Variants in ADCY2 observed in about 807,000 individuals in gnomAD.
ADCY2 encodes adenylate cyclase 2.
In ADCY2, 31 loss-of-function variants were observed where a neutral mutation model predicts 125.2. The ratio of observed to expected loss-of-function variants is 0.25; its 90% CI spans 0.19 to 0.33. ADCY2 has a LOEUF of 0.33. ADCY2 is among the 10% of genes least tolerant of loss of function. The pLI is 1.00. For synonymous variants in ADCY2, 512 were observed against 548.4 expected (o/e 0.93, Z 0.93); for missense variants, 904 against 1,418.2 (o/e 0.64, Z 5.82).
intron 18 of ADCY2, among the ~76,000 whole-genome samples, chr5:7,781,514 G>A (rs1034682468): frequency 6.6e-6 from 1 of 152,164 alleles, no homozygotes; most frequent in African/African-American, 2.4e-5. Flanking sequence ...GAGTCATGTG[G>A]TGGCAAGCTA....
At chr5:7,798,851 G>C (rs541206603) in intron 20 of ADCY2, 2 of 152,212 alleles carry the variant, frequency 1.3e-5, no homozygotes, top group South Asian at 4.1e-4. Context: ...ACAGGCGTGA[G>C]CCAACGCGCC....
chr5:7,710,245 T>A (rs150323631), intron 10 of ADCY2, among the ~76,000 whole-genome samples: 57 of 152,306 alleles, frequency 3.7e-4, no homozygotes, highest in Non-Finnish European at 7.3e-4. Flanking sequence ...TTTGGCTTAT[T>A]TATATTTCTT....
rs565852546 is a variant in ADCY2 at position 7,577,498 on chromosome 5, T to C, written c.571-48669T>C. Among the ~76,000 whole-genome samples the C allele has an allele frequency of 6.6e-4, 100 of 152,256 alleles. 1 individual carries two copies. The highest frequency in any genetic ancestry group is 2.3e-3 in the African/African-American group (95 of 41,556). On this transcript the variant is annotated intron_variant, in intron 3 of 24. Transcript: ENST00000338316. ...GGCAATGGTGTGTATGATTTGTACC[T>C]AAGGAATAAAGTAAGTTGATAGTGA...
chr5:7,772,885 C>A, intron 17 of ADCY2, 47 bp from the exon 18 acceptor site: 1 of 1,579,728 alleles, frequency 6.3e-7, no homozygotes, highest in Non-Finnish European at 8.7e-7. Flanking sequence ...TTCAGCATTT[C>A]TCAGAAGAGA....
At position 7,502,454 on chromosome 5, in the gene ADCY2, C is replaced by T. The variant is rs188949551; in HGVS notation, c.409-18284C>T. Among the ~76,000 whole-genome samples, 21 of 152,344 alleles carry T rather than the reference C, an allele frequency of 1.4e-4. No homozygotes were observed. In the East Asian group the frequency reaches 4.0e-3, roughly 29 times the overall value. On this transcript the variant is annotated intron_variant, in intron 2 of 24. Transcript: ENST00000338316. ...ACCTTGAAGCCACCTCTTACTCCCA[C>T]CGTGGACCAGGACAGAGAGGCAGGC... is the stretch of plus-strand genomic sequence containing the variant.
chr5:7,693,806 G>A (rs1422419583), intron 5 of ADCY2, among the ~76,000 whole-genome samples: 1 of 152,184 alleles, frequency 6.6e-6, no homozygotes, highest in Non-Finnish European at 1.5e-5. Flanking sequence ...TCTCAGAGCT[G>A]CTTTGTTCAC....
intron 16 of ADCY2, among the ~76,000 whole-genome samples, chr5:7,759,470 G>T (rs933500165): frequency 6.6e-6 from 1 of 152,212 alleles, no homozygotes; most frequent in Admixed American, 6.5e-5. Flanking sequence ...CCCTTGGCTG[G>T]CAGTCCCCTG....
chr5:7,432,123 G>GC (rs1740627194), intron 2 of ADCY2, among the ~76,000 whole-genome samples: 1 of 152,088 alleles, frequency 6.6e-6, no homozygotes, highest in African/African-American at 2.4e-5. Flanking sequence ...TGACAGTGTA[G>GC]CTTTGGAGAG....
chr5:7,704,676 G>A lies in ADCY2; in HGVS notation c.1110-2068G>A, dbSNP rs554398683. On this transcript the variant is annotated intron_variant, in intron 7 of 24. Transcript: ENST00000338316. ...GGGTGGATCACGAGGTCAGGACATCGAGACCATCCTAGCTGACACGCTGAA... is the reference window on the plus strand; with the variant it reads ...GGGTGGATCACGAGGTCAGGACATCAAGACCATCCTAGCTGACACGCTGAA... Among the ~76,000 whole-genome samples, 14 of 152,120 alleles carry A rather than the reference G, an allele frequency of 9.2e-5. No individual in the cohort carries two copies. In the East Asian group the frequency reaches 1.8e-3, roughly 19 times the overall value.
chr5:7,399,536 G>A (rs1561004129), intron 1 of ADCY2, among the ~76,000 whole-genome samples: 1 of 152,116 alleles, frequency 6.6e-6, no homozygotes, highest in African/African-American at 2.4e-5. Context: ...TGCTGTAAAA[G>A]TAAATTCTGA....
intron 3 of ADCY2, among the ~76,000 whole-genome samples, chr5:7,597,103 G>A (rs996397180): frequency 3.3e-5 from 5 of 152,098 alleles, no homozygotes; most frequent in Admixed American, 6.5e-5. Context: ...TATTTATCTT[G>A]GTCTTTTTTT....
intron 12 of ADCY2, among the ~76,000 whole-genome samples, chr5:7,719,320 A>C (rs1741689648): frequency 6.6e-6 from 1 of 152,214 alleles, no homozygotes; most frequent in Non-Finnish European, 1.5e-5. Flanking sequence ...TCAGAAATTA[A>C]ATAGAGAAAA....
intron 17 of ADCY2, among the ~76,000 whole-genome samples, chr5:7,769,012 C>T (rs970920902): frequency 1.3e-5 from 2 of 152,218 alleles, no homozygotes; most frequent in African/African-American, 4.8e-5. Context: ...TCATTTCTCT[C>T]AAACCCTATG....
At chr5:7,770,140 C>T (rs1214708731) in intron 17 of ADCY2, among the ~76,000 whole-genome samples, 3 of 152,144 alleles carry the variant, frequency 2.0e-5, no homozygotes, top group African/African-American at 7.2e-5. Flanking sequence ...CAGAAATGGA[C>T]TAAAAGTATG....
chr5:7,709,227 C>T lies in ADCY2; in HGVS notation c.1418C>T (p.Pro473Leu). ...CACCCCAAGGGAGAACGACGGAGCC[C>T]CCAGCATCTCTTCAGACCTCGCCAC... ...VINPKGERRS[P>L]QHLFRPRHTL... Residue 473 changes from proline to leucine, a missense_variant, in exon 10 of 25, where the codon CCC becomes CTC. By Grantham distance (98) the Pro-to-Leu change is moderately conservative (BLOSUM62 -3). Around this residue, in one of 7 missense-constraint regions of ADCY2, gnomAD observed 144 missense variants for 227.7 expected, o/e 0.63. Coordinates refer to ENST00000338316, the MANE Select transcript of ADCY2 (RefSeq NM_020546.3). The surrounding 1 kb of genome is among the most constrained non-coding windows in gnomAD (Gnocchi z 4.4). 1 of 1,611,398 alleles carries T rather than the reference C, an allele frequency of 6.2e-7. No individual in the cohort carries two copies. The highest frequency in any genetic ancestry group is 1.1e-5 in the South Asian group (1 of 90,656).
At position 7,789,718 on chromosome 5, in the gene ADCY2, A is replaced by AGAACCT; in HGVS notation, c.2552_2557dup (p.Leu851_Asn852dup). The stretch of plus-strand genomic sequence containing the variant: ...GAGCGGGAGGAGATAGAGACCATGG[A>AGAACCT]GAACCTGAACCGCGTGCTGCTGGAG... On this transcript the variant is annotated inframe_insertion, in exon 20 of 25. Transcript: ENST00000338316. The AGAACCT allele has an allele frequency of 6.2e-7, 1 of 1,613,764 alleles. No homozygotes were observed. Among genetic ancestry groups the AGAACCT allele is most frequent in the Non-Finnish European group, 8.5e-7 (1 of 1,179,932 alleles).
At chr5:7,742,371 T>A (rs1742465597) in intron 14 of ADCY2, among the ~76,000 whole-genome samples, 1 of 152,154 alleles carries the variant, frequency 6.6e-6, no homozygotes. Context: ...AATCTAGGTG[T>A]ACTTGGTATA....
At chr5:7,468,401 G>A (rs985329868) in intron 2 of ADCY2, among the ~76,000 whole-genome samples, 1 of 152,148 alleles carries the variant, frequency 6.6e-6, no homozygotes, top group African/African-American at 2.4e-5. Context: ...CAGTAGGAGA[G>A]AAGAAAAAGC....
At chr5:7,681,981 T>C (rs1411198394) in intron 4 of ADCY2, among the ~76,000 whole-genome samples, 2 of 152,170 alleles carry the variant, frequency 1.3e-5, no homozygotes, top group Non-Finnish European at 2.9e-5. Flanking sequence ...CTAACTACTT[T>C]CCTCCCACTG....
Sources: allele counts gnomAD v4.1 joint callset (sites outside exome capture counted in the v4.1 genomes callset), GRCh38; gene constraint gnomAD v4.1.1; regional missense constraint gnomAD v4.1.1; non-coding constraint Gnocchi (gnomAD v3.1); transcripts MANE v1.5; gene names NCBI Gene and HGNC (gene_info 2026-07-23, HGNC 2026-07-21).